SEMA4D: variants seen among roughly 807,000 people sequenced by gnomAD.
SEMA4D encodes semaphorin 4D.
In SEMA4D, 22 loss-of-function variants were observed where a neutral mutation model predicts 74.8. The observed-to-expected ratio is 0.29, with a 90% CI of 0.21 to 0.42. SEMA4D has a LOEUF of 0.42. Ranked by LOEUF, SEMA4D falls within the 10% of genes least tolerant of loss-of-function variation. SEMA4D has a pLI of 1.00. For missense variants in SEMA4D, 937 were observed against 1,118.4 expected (o/e 0.84, Z 2.31); for synonymous variants, 445 against 463.7 (o/e 0.96, Z 0.52).
rs751151522 is a variant in SEMA4D at position 89,393,547 on chromosome 9, A to G, written c.508+15T>C. On this transcript the variant is annotated intron_variant, in intron 7 of 15. Transcript: ENST00000422704. ...GTAATCTTCACGGTGAAGGAACTGG[A>G]GGGGCAGGACTCACCAACCATGACG... 19 of 1,601,470 alleles carry G rather than the reference A, an allele frequency of 1.2e-5. No individual in the cohort carries two copies. The highest frequency in any genetic ancestry group is 1.6e-5 in the Non-Finnish European group (19 of 1,168,510).
In SEMA4D at chr9:89,381,547, C is replaced by T; in HGVS notation, c.1447-201G>A. 1 of 477,640 alleles carries T rather than the reference C, an allele frequency of 2.1e-6. No individual in the cohort carries two copies. The highest frequency in any genetic ancestry group is 3.1e-5 in the East Asian group (1 of 31,800). 29.6% of individuals were successfully genotyped at this position (477,640 alleles called of 1,614,324 possible). On this transcript the variant is annotated intron_variant, in intron 13 of 15. Coordinates refer to ENST00000422704, the MANE Select transcript of SEMA4D (RefSeq NM_001371194.2). The surrounding 1 kb of genome is among the most constrained non-coding windows in gnomAD (Gnocchi z 4.6). ...GCAGAATCCACGTGCTATGTCAGGG[C>T]TCACTGGGCCTTAGGTCCAAATCCC...
chr9:89,462,522 T>C (rs567780968), intron 1 of SEMA4D, among the ~76,000 whole-genome samples: 1 of 152,304 alleles, frequency 6.6e-6, no homozygotes, highest in South Asian at 2.1e-4. Flanking sequence ...CTGTGTTTTC[T>C]GTACAAAATA....
intron 16 of SEMA4D, among the ~76,000 whole-genome samples, chr9:89,371,185 G>T (rs1248919732): frequency 4.7e-5 from 6 of 126,610 alleles, no homozygotes; most frequent in African/African-American, 1.2e-4. Flanking sequence ...GTGTGGGGGG[G>T]GTGTGGTGTG....
intron 2 of SEMA4D, 78 bp from the exon 3 acceptor site, chr9:89,405,777 C>T: frequency 3.1e-6 from 4 of 1,308,946 alleles, no homozygotes; most frequent in Non-Finnish European, 3.9e-6. Context: ...AGCCCCTCTG[C>T]TTGCCCTGGA....
At chr9:89,430,276 C>A (rs1174055326) in intron 2 of SEMA4D, among the ~76,000 whole-genome samples, 1 of 152,168 alleles carries the variant, frequency 6.6e-6, no homozygotes. Flanking sequence ...TCCCCAGCAG[C>A]CAAAGAGCAA....
At chr9:89,437,691 ATGTGTCC>A (rs1324966054) in intron 2 of SEMA4D, among the ~76,000 whole-genome samples, 3 of 152,176 alleles carry the variant, frequency 2.0e-5, no homozygotes, top group African/African-American at 4.8e-5. Flanking sequence ...GGTCTGGCTG[ATGTGTCC>A]AGGTGCTAAA....
At chr9:89,496,279 G>A (rs1826006853) in intron 1 of SEMA4D, among the ~76,000 whole-genome samples, 1 of 152,168 alleles carries the variant, frequency 6.6e-6, no homozygotes, top group East Asian at 1.9e-4. Flanking sequence ...CCCTTGTGCT[G>A]TGCTGCAAGA....
rs148352818 is a variant in SEMA4D at position 89,435,587 on chromosome 9, G to C, written c.-244+20301C>G. ...CCTGGACCATACTAGACACAGTGCC[G>C]GGCATGTACTTTGATTTACAGAACC... On this transcript the variant is annotated intron_variant, in intron 2 of 15. Transcript: ENST00000422704. 9.9e-5 allele frequency among the ~76,000 whole-genome samples: 15 copies of C among 152,196 alleles called. No homozygotes were observed. In the East Asian group the frequency reaches 2.7e-3, roughly 27 times the overall value.
chr9:89,364,525 G>A lies in SEMA4D; in HGVS notation c.1883-575C>T. On this transcript the variant is annotated intron_variant, in intron 16 of 18. Coordinates refer to the SEMA4D transcript ENST00000339861. ...GAGCTCAGACCCTGGCAGGGGCCAG[G>A]CCCTGCAGAATTACACTAGGACTGC... 2.8e-5 allele frequency: 5 copies of A among 176,264 alleles called. 1 individual carries two copies. In the South Asian group the frequency reaches 6.4e-4, roughly 22 times the overall value. 10.9% of individuals were successfully genotyped at this position (176,264 alleles called of 1,614,324 possible). A position where few individuals can be genotyped will look rare whatever the true frequency, so the allele number is the denominator to read the frequency against.
intron 6 of SEMA4D, among the ~76,000 whole-genome samples, chr9:89,396,428 C>A (rs976401438): frequency 6.6e-6 from 1 of 152,228 alleles, no homozygotes; most frequent in Non-Finnish European, 1.5e-5. Flanking sequence ...TCTGTACTTT[C>A]CAGCACGCCC....
intron 3 of SEMA4D, 93 bp downstream of exon 3, chr9:89,405,258 T>A: frequency 2.8e-6 from 3 of 1,066,480 alleles, no homozygotes; most frequent in African/African-American, 1.6e-5. Context: ...GGAAGTGGGG[T>A]CCCTGTCCCG....
At chr9:89,403,050 G>C in intron 3 of SEMA4D, 34 bp from the exon 4 acceptor site, 1 of 1,590,584 alleles carries the variant, frequency 6.3e-7, no homozygotes, top group Non-Finnish European at 8.6e-7. Flanking sequence ...AGAGTGGGAG[G>C]AAGAAAAGAG....
downstream of SEMA4D, among the ~76,000 whole-genome samples, chr9:89,375,448 G>T (rs552049540): frequency 5.5e-4 from 84 of 152,322 alleles, no homozygotes; most frequent in African/African-American, 1.9e-3. Context: ...TCCAGTGCTG[G>T]CTGCCAAGGG....
chr9:89,362,374 G>A (rs753389132), exon 19 of SEMA4D: 2 of 1,614,098 alleles, frequency 1.2e-6, no homozygotes, highest in Non-Finnish European at 1.7e-6. Flanking sequence ...TGGGGTTGAG[G>A]TCGGTGTCAG....
chr9:89,396,752 C>T lies in SEMA4D; in HGVS notation c.399G>A (p.Pro133=), dbSNP rs139396668. Residue 133 remains proline (P), a synonymous_variant, in exon 6 of 16, where the codon CCG becomes CCA. Transcript: ENST00000422704. ...TCAGCCTTACCAGGTGGTCACAGGC[C>T]GGCTGGAATGCGTTGGTCCCACACA... is the stretch of plus-strand genomic sequence containing the variant. The part of the protein sequence containing the change: ...LYVCGTNAFQ[P]ACDHLNLTSF... The T allele has an allele frequency of 1.0e-4, 169 of 1,613,436 alleles. No homozygotes were observed. Among genetic ancestry groups the T allele is most frequent in the Non-Finnish European group, 4.7e-5 (56 of 1,179,746 alleles).
intron 7 of SEMA4D, 141 bp from the exon 8 acceptor site, chr9:89,392,677 T>C: frequency 1.6e-6 from 1 of 629,684 alleles, no homozygotes; most frequent in Non-Finnish European, 2.8e-6. Flanking sequence ...GACAGTCTCC[T>C]CAACTTTTGG....
At chr9:89,461,856 C>T (rs887830901) in intron 1 of SEMA4D, among the ~76,000 whole-genome samples, 1 of 151,980 alleles carries the variant, frequency 6.6e-6, no homozygotes. Flanking sequence ...GCGTGCGCCA[C>T]TACGCCCGGC....
At chr9:89,384,085 A>G (rs1351396760) in intron 13 of SEMA4D, among the ~76,000 whole-genome samples, 1 of 152,126 alleles carries the variant, frequency 6.6e-6, no homozygotes, top group Non-Finnish European at 1.5e-5. Flanking sequence ...TCCTGGTGAA[A>G]ATACAGACAC....
intron 1 of SEMA4D, among the ~76,000 whole-genome samples, chr9:89,483,545 G>A (rs991154048): frequency 6.6e-6 from 1 of 152,188 alleles, no homozygotes; most frequent in African/African-American, 2.4e-5. Context: ...TTGACGTCAC[G>A]CTAAAATTTT....
Sources: allele counts gnomAD v4.1 joint callset (sites outside exome capture counted in the v4.1 genomes callset), GRCh38; gene constraint gnomAD v4.1.1; non-coding constraint Gnocchi (gnomAD v3.1); transcripts MANE v1.5; gene names NCBI Gene and HGNC (gene_info 2026-07-23, HGNC 2026-07-21).